CNTNAP2: variants seen among roughly 807,000 people sequenced by gnomAD.
CNTNAP2 encodes the protein contactin associated protein 2.
Under a neutral mutation model 155.2 loss-of-function variants are expected in CNTNAP2, and 98 were observed. That is an observed-to-expected ratio of 0.63 (90% confidence interval 0.54 to 0.75). CNTNAP2 has a LOEUF of 0.75. Ranked by LOEUF, CNTNAP2 falls within the 30% of genes least tolerant of loss-of-function variation. The pLI is 0.00. For synonymous variants in CNTNAP2, 651 were observed against 631.2 expected, an observed-to-expected ratio of 1.03 and a Z score of -0.47; for missense variants, 1,727 against 1,688.1, an observed-to-expected ratio of 1.02 and a Z score of -0.40.
intron 8 of CNTNAP2, among the ~76,000 whole-genome samples, chr7:147,274,747 T>C (rs552856701): frequency 6.6e-6 from 1 of 152,188 alleles, no homozygotes; most frequent in African/African-American, 2.4e-5. Flanking sequence ...ATTCTTTCCC[T>C]AGACCAATGT....
intron 3 of CNTNAP2, among the ~76,000 whole-genome samples, chr7:146,940,842 G>A (rs182179275): frequency 0.04 from 5,826 of 146,014 alleles, 125 homozygotes; most frequent in South Asian, 0.079. Flanking sequence ...GAGAGAAAGA[G>A]AGAGAAAGAG....
At chr7:146,728,012 A>G (rs1467724836) in intron 1 of CNTNAP2, among the ~76,000 whole-genome samples, 2 of 152,106 alleles carry the variant, frequency 1.3e-5, no homozygotes, top group Non-Finnish European at 2.9e-5. Context: ...AAGGGGTCCA[A>G]TGGCTAAACC....
At chr7:146,808,511 T>C (rs1390996503) in intron 2 of CNTNAP2, among the ~76,000 whole-genome samples, 1 of 152,198 alleles carries the variant, frequency 6.6e-6, no homozygotes, top group Non-Finnish European at 1.5e-5. Flanking sequence ...GGAATCACAT[T>C]TTTAAAAATT....
chr7:146,841,260 A>G (rs1016864236), intron 3 of CNTNAP2, among the ~76,000 whole-genome samples: 18 of 149,524 alleles, frequency 1.2e-4, no homozygotes, highest in African/African-American at 4.4e-4. Context: ...ACAGTTAAGA[A>G]GGGGATAGAG....
intron 1 of CNTNAP2, among the ~76,000 whole-genome samples, chr7:146,545,091 G>T (rs542811141): frequency 3.1e-4 from 47 of 152,024 alleles, no homozygotes; most frequent in Non-Finnish European, 5.3e-4. Flanking sequence ...TCACAGAGAA[G>T]CTCAGGTAGG....
At chr7:146,531,094 T>C (rs1448957963) in intron 1 of CNTNAP2, among the ~76,000 whole-genome samples, 1 of 152,120 alleles carries the variant, frequency 6.6e-6, no homozygotes, top group Non-Finnish European at 1.5e-5. Flanking sequence ...CTAGAGGCCA[T>C]TGTCCTAAGC....
chr7:147,626,565 T>C (rs73470931), intron 12 of CNTNAP2, among the ~76,000 whole-genome samples: 13,688 of 152,184 alleles, frequency 0.09, 1,712 homozygotes, highest in African/African-American at 0.26. Context: ...TTACAAAAGA[T>C]AAACTCTTGG....
At chr7:146,198,350 A>AAAT (rs1438247499) in intron 1 of CNTNAP2, among the ~76,000 whole-genome samples, 8 of 152,202 alleles carry the variant, frequency 5.3e-5, no homozygotes, top group African/African-American at 1.9e-4. Context: ...AAGTTGTGTC[A>AAAT]AATAGGTAGA....
intron 1 of CNTNAP2, among the ~76,000 whole-genome samples, chr7:146,419,284 G>A (rs1183816345): frequency 6.6e-6 from 1 of 152,040 alleles, no homozygotes; most frequent in Non-Finnish European, 1.5e-5. Flanking sequence ...CAGTATGGGG[G>A]AAACTGCCCT....
At chr7:147,220,996 T>C (rs774903691) in intron 8 of CNTNAP2, among the ~76,000 whole-genome samples, 2 of 152,034 alleles carry the variant, frequency 1.3e-5, no homozygotes, top group Non-Finnish European at 2.9e-5. Context: ...ACAGGCGTGA[T>C]CCACCACACC....
At chr7:147,306,423 T>A (rs770850154) in intron 9 of CNTNAP2, among the ~76,000 whole-genome samples, 2 of 152,192 alleles carry the variant, frequency 1.3e-5, no homozygotes, top group Non-Finnish European at 2.9e-5. Flanking sequence ...AATTTCTGAA[T>A]GTGATTTTGT....
At chr7:147,535,013 C>T (rs1051823965) in intron 11 of CNTNAP2, among the ~76,000 whole-genome samples, 4 of 152,138 alleles carry the variant, frequency 2.6e-5, no homozygotes, top group Admixed American at 1.3e-4. Flanking sequence ...TGCCCCTTCC[C>T]GCCTACCCAC....
intron 15 of CNTNAP2, among the ~76,000 whole-genome samples, chr7:148,072,114 A>G (rs1345202419): frequency 1.8e-4 from 28 of 152,118 alleles, no homozygotes; most frequent in Admixed American, 1.8e-3. Context: ...AGCCTGATTT[A>G]TAATTGTTTT....
intron 1 of CNTNAP2, among the ~76,000 whole-genome samples, chr7:146,385,766 C>T (rs1795451374): frequency 6.6e-6 from 1 of 152,056 alleles, no homozygotes; most frequent in Non-Finnish European, 1.5e-5. Flanking sequence ...GTTTTCATTC[C>T]GTTGCAAAGA....
intron 12 of CNTNAP2, among the ~76,000 whole-genome samples, chr7:147,599,508 C>A (rs1025164157): frequency 6.8e-6 from 1 of 147,228 alleles, no homozygotes; most frequent in African/African-American, 2.5e-5. Flanking sequence ...AAAAAAAATA[C>A]CATGAACTAG....
At chr7:147,452,205 T>C (rs897158224) in intron 10 of CNTNAP2, among the ~76,000 whole-genome samples, 7 of 152,232 alleles carry the variant, frequency 4.6e-5, no homozygotes, top group African/African-American at 1.4e-4. Context: ...GAACTATCTT[T>C]ATATGAATAC....
intron 17 of CNTNAP2, among the ~76,000 whole-genome samples, chr7:148,152,193 A>T (rs1448847909): frequency 6.6e-6 from 1 of 152,000 alleles, no homozygotes; most frequent in Non-Finnish European, 1.5e-5. Flanking sequence ...GCGTTTAATT[A>T]ACACAAGGAC....
At chr7:146,498,971 C>T (rs537289553) in intron 1 of CNTNAP2, among the ~76,000 whole-genome samples, 211 of 152,256 alleles carry the variant, frequency 1.4e-3, no homozygotes, top group African/African-American at 4.8e-3. Context: ...GTACACATAG[C>T]ATTGAAGAGA....
rs114889218 is a variant in CNTNAP2, at chr7:147,015,696, C to T, written c.403-28211C>T. On this transcript the variant is annotated intron_variant, in intron 3 of 23. Coordinates refer to ENST00000361727, the MANE Select transcript of CNTNAP2 (RefSeq NM_014141.6). ...TTTCACACATCAGTTTTTTTTAAAG[C>T]TGTTTTCTTTTGAATTTAAGAAGGG... Among the ~76,000 whole-genome samples the T allele has an allele frequency of 8.2e-3, 1,248 of 151,928 alleles. 10 individuals carry two copies. Among genetic ancestry groups the T allele is most frequent in the African/African-American group, 0.029 (1,198 of 41,466 alleles).
Sources: allele counts gnomAD v4.1 joint callset (sites outside exome capture counted in the v4.1 genomes callset), GRCh38; gene constraint gnomAD v4.1.1; transcripts MANE v1.5; gene names NCBI Gene and HGNC (gene_info 2026-07-23, HGNC 2026-07-21).